EIF3A: variants seen among roughly 807,000 people sequenced by gnomAD.
The protein encoded by EIF3A is eukaryotic translation initiation factor 3 subunit A, also known as EIF3, p180 subunit.
In EIF3A, 21 loss-of-function variants were observed where a neutral mutation model predicts 186.6. The ratio of observed to expected loss-of-function variants is 0.11; its 90% CI spans 0.08 to 0.16. The LOEUF is 0.16. EIF3A is among the 10% of genes least tolerant of loss of function. The probability of loss-of-function intolerance (pLI) is 1.00; values close to 1 mark genes in which losing one functional copy is unlikely to be tolerated. For synonymous variants in EIF3A, 563 were observed against 584.3 expected (o/e 0.96, Z 0.52); for missense variants, 1,306 against 1,796.3 (o/e 0.73, Z 4.93).
In EIF3A at chr10:119,050,629, T is replaced by C. The variant is rs1379136826; in HGVS notation, c.2365A>G (p.Asn789Asp). Reference protein sequence around the residue: ...FEERLAEERHNRLEERKRQRK... With the variant: ...FEERLAEERHDRLEERKRQRK... ...TGCCTTTTCCGTTCTTCCAATCGATTATGCCTTTCTTCTGCTAATCGCTCT... is the reference window on the plus strand; with the variant it reads ...TGCCTTTTCCGTTCTTCCAATCGATCATGCCTTTCTTCTGCTAATCGCTCT... Residue 789 changes from asparagine to aspartate, a missense_variant, in exon 16 of 22, where the codon AAT (asparagine) becomes GAT (aspartate). By Grantham distance (23) the Asn-to-Asp change is conservative. Transcript: ENST00000369144. 2 of 1,614,150 alleles carry C rather than the reference T, an allele frequency of 1.2e-6. No homozygotes were observed. Among genetic ancestry groups the C allele is most frequent in the South Asian group, 1.1e-5 (1 of 91,086 alleles).
At chr10:119,070,643 A>G (rs1487529478) in intron 5 of EIF3A, among the ~76,000 whole-genome samples, 3 of 152,202 alleles carry the variant, frequency 2.0e-5, no homozygotes, top group African/African-American at 4.8e-5. Context: ...GTATTGTTTT[A>G]TATGTCAAGA....
chr10:119,064,282 T>C (rs1054109104), intron 7 of EIF3A, among the ~76,000 whole-genome samples: 133 of 152,200 alleles, frequency 8.7e-4, no homozygotes, highest in African/African-American at 3.1e-3. Flanking sequence ...TCTTCAGACA[T>C]TGAACATCAG....
rs149754873 is a variant in EIF3A at position 119,074,855 on chromosome 10, T to G, written c.50-918A>C. 5.6e-3 allele frequency among the ~76,000 whole-genome samples: 699 copies of G among 125,102 alleles called. 6 individuals carry two copies. Among genetic ancestry groups the G allele is most frequent in the African/African-American group, 0.021 (647 of 31,428 alleles). The allele number at this position is 125,102 out of a possible 152,430, so 82.1% of individuals were successfully genotyped here. ...ATTACATGAACCTGGGAGGCAGAGG[T>G]TGCGGTCAGCTGAGATGGCGCCACT... On this transcript the variant is annotated intron_variant, in intron 1 of 21. Transcript: ENST00000369144.
chr10:119,042,809 TAAAA>T lies in EIF3A; in HGVS notation c.2748-41_2748-38del. On this transcript the variant is annotated intron_variant, in intron 18 of 21. Coordinates refer to ENST00000369144, the MANE Select transcript of EIF3A (RefSeq NM_003750.4). This position sits in a 1 kb window ranked among gnomAD's most constrained non-coding sequence, Gnocchi z 7.8. ...CAAGAACAATTAAAAATATATAAAA[TAAAA>T]AAGCATATGATCCTTTGGGGATTTT... 4 of 1,516,222 alleles carry T rather than the reference TAAAA, an allele frequency of 2.6e-6. No homozygotes were observed. Among genetic ancestry groups the T allele is most frequent in the Non-Finnish European group, 3.5e-6 (4 of 1,140,752 alleles). 93.9% of individuals were successfully genotyped at this position (1,516,222 alleles called of 1,614,324 possible). A position where few individuals can be genotyped will look rare whatever the true frequency, so the allele number is the denominator to read the frequency against.
chr10:119,066,834 A>G (rs912165930), intron 6 of EIF3A, among the ~76,000 whole-genome samples: 1 of 152,180 alleles, frequency 6.6e-6, no homozygotes, highest in African/African-American at 2.4e-5. Context: ...ATGTACTAAG[A>G]GCTAGACAGC....
intron 17 of EIF3A, among the ~76,000 whole-genome samples, chr10:119,044,660 A>T (rs752648994): frequency 6.6e-6 from 1 of 152,160 alleles, no homozygotes; most frequent in Non-Finnish European, 1.5e-5. Context: ...CATCCTGGCT[A>T]ACACGGTGAA....
At chr10:119,062,572 G>A (rs1843906640) in intron 7 of EIF3A, among the ~76,000 whole-genome samples, 1 of 152,022 alleles carries the variant, frequency 6.6e-6, no homozygotes, top group African/African-American at 2.4e-5. Flanking sequence ...GCACAATGAG[G>A]ACTCTAATCT....
chr10:119,056,874 C>T (rs755768169), intron 13 of EIF3A, 21 bp from the exon 14 acceptor site: 123 of 1,595,062 alleles, frequency 7.7e-5, no homozygotes, highest in East Asian at 3.4e-4. Flanking sequence ...CGAAAACACA[C>T]GTAGTTTTAA....
chr10:119,050,474 C>T, intron 16 of EIF3A, 47 bp downstream of exon 16: 1 of 1,579,120 alleles, frequency 6.3e-7, no homozygotes, highest in Non-Finnish European at 8.7e-7. Flanking sequence ...TAGATCTTAA[C>T]ACCAACCTTG....
At position 119,059,249 on chromosome 10, in the gene EIF3A, G is replaced by C. The variant is rs150218827; in HGVS notation, c.1592C>G (p.Ala531Gly). ...TGGTTTAATGACTTCAAGTGCTTTT[G>C]CAAGTACTGAGGACATGGCTGTCAG... ...NQLTAMSSVL[A>G]KALEVIKPAH... is the part of the protein sequence containing the mutation. The change falls in exon 11 of 22, where the codon GCA (alanine) becomes GGA (glycine). Residue 531 changes from alanine to glycine, a missense_variant. Physicochemically the swap from Ala to Gly is moderately conservative, Grantham distance 60 (BLOSUM62 0). Coordinates refer to ENST00000369144, the MANE Select transcript of EIF3A (RefSeq NM_003750.4). 3.4e-4 allele frequency: 544 copies of C among 1,614,172 alleles called. 2 individuals carry two copies. The African/African-American group carries it at 6.3e-3, about 19-fold the overall frequency.
chr10:119,066,284 G>A (rs1015301128), intron 6 of EIF3A, among the ~76,000 whole-genome samples: 2 of 151,736 alleles, frequency 1.3e-5, no homozygotes. Context: ...CGAAGCAGAC[G>A]GATCACCTGA....
At chr10:119,062,578 A>C (rs1319992885) in intron 7 of EIF3A, among the ~76,000 whole-genome samples, 1 of 152,162 alleles carries the variant, frequency 6.6e-6, no homozygotes, top group Non-Finnish European at 1.5e-5. Flanking sequence ...TGAGGACTCT[A>C]ATCTAGATGC....
rs1233518860 is a variant in EIF3A, at chr10:119,059,617, C to T, written c.1428G>A (p.Arg476=). 6.2e-7 allele frequency: 1 copy of T among 1,613,918 alleles called. No individual in the cohort carries two copies. Among genetic ancestry groups the T allele is most frequent in the East Asian group, 2.2e-5 (1 of 44,884 alleles). ...QLERAIVDAA[R]HCDLQVRIDH... ...ACATACCTACCTGCAAGTCGCAATG[C>T]CTGGCTGCATCTACTATGGCCCGTT... Residue 476 remains arginine (R), a synonymous_variant, in exon 10 of 22, where the codon AGG becomes AGA. Coordinates refer to ENST00000369144, the MANE Select transcript of EIF3A (RefSeq NM_003750.4).
In EIF3A at chr10:119,049,903, T is replaced by C; in HGVS notation, c.2556A>G (p.Glu852=). 6.2e-7 allele frequency: 1 copy of C among 1,614,202 alleles called. No individual in the cohort carries two copies. The highest frequency in any genetic ancestry group is 8.5e-7 in the Non-Finnish European group (1 of 1,180,034). Residue 852 remains glutamate (E), a synonymous_variant, in exon 17 of 22, where the codon GAA becomes GAG. Coordinates refer to ENST00000369144, the MANE Select transcript of EIF3A (RefSeq NM_003750.4). ...TTTGGCGTTTTTTCCTTTCCACTTC[T>C]TCTAATTTCTTCACCCGCTCCTGAT... ...REYQERVKKL[E]EVERKKRQRE...
intron 1 of EIF3A, among the ~76,000 whole-genome samples, chr10:119,079,183 T>C (rs534375144): frequency 6.6e-4 from 100 of 152,322 alleles, no homozygotes; most frequent in Non-Finnish European, 1.3e-3. Flanking sequence ...TTCTAACCAT[T>C]AGATCACTGG....
Position 119,034,020 on chromosome 10 carries a change from A to C in EIF3A, c.*2019T>G, listed in dbSNP as rs1848093846. 6.0e-6 allele frequency: 1 copy of C among 167,132 alleles called. No homozygotes were observed. The highest frequency in any genetic ancestry group is 1.5e-5 in the Non-Finnish European group (1 of 68,124). 10.4% of individuals were successfully genotyped at this position (167,132 alleles called of 1,614,324 possible). A position where few individuals can be genotyped will look rare whatever the true frequency, so the allele number is the denominator to read the frequency against. ...TGTCTCTACTACTGGATCTATCTGTATTAACAGCAATGTTACTCTCAATGA... is the reference window on the plus strand; with the variant it reads ...TGTCTCTACTACTGGATCTATCTGTCTTAACAGCAATGTTACTCTCAATGA... On this transcript the variant is annotated 3_prime_UTR_variant, in exon 22 of 22. Transcript: ENST00000369144.
intron 16 of EIF3A, 145 bp from the exon 17 acceptor site, chr10:119,050,130 C>T: frequency 1.2e-6 from 1 of 800,892 alleles, no homozygotes; most frequent in Non-Finnish European, 2.0e-6. Context: ...CAGGACAGAA[C>T]ATAGTCAAGA....
chr10:119,046,550 C>G (rs958228241), intron 17 of EIF3A, among the ~76,000 whole-genome samples: 2 of 152,158 alleles, frequency 1.3e-5, no homozygotes, highest in Non-Finnish European at 2.9e-5. Context: ...AGCAAAAATA[C>G]CCAGTCCACT....
chr10:119,070,919 C>T lies in EIF3A; in HGVS notation c.708G>A (p.Gln236=). ...QSMHLETRLV[Q]LDSAISMELW... is the part of the protein sequence containing the mutation. ...ATTCCATGCTGATAGCACTGTCCAG[C>T]TGAACAAGTCTGGTTTCCAAATGCA... The change falls in exon 5 of 22, where the codon CAG becomes CAA. Residue 236 remains glutamine, a synonymous_variant. Transcript: ENST00000369144. 6.2e-7 allele frequency: 1 copy of T among 1,613,916 alleles called. No individual in the cohort carries two copies. Among genetic ancestry groups the T allele is most frequent in the South Asian group, 1.1e-5 (1 of 91,080 alleles).
Sources: gnomAD v4.1 joint callset for allele counts (sites outside exome capture counted in the v4.1 genomes callset) on GRCh38, gnomAD v4.1.1 for gene constraint, Gnocchi (gnomAD v3.1) non-coding constraint, MANE v1.5 for transcripts, NCBI Gene and HGNC (gene_info 2026-07-23, HGNC 2026-07-21) for gene names.